The following NTNG1 variants were observed in gnomAD, a reference collection of about 807,000 sequenced individuals.
NTNG1 encodes netrin G1.
A neutral mutation model predicts 54.0 loss-of-function variants in NTNG1; 16 were observed. That is an observed-to-expected ratio of 0.30 (90% confidence interval 0.20 to 0.45). The LOEUF (loss-of-function observed/expected upper bound fraction) is 0.45. Ranked by LOEUF, NTNG1 falls within the 20% of genes least tolerant of loss-of-function variation. The probability of loss-of-function intolerance (pLI) is 1.00; values close to 1 mark genes in which losing one functional copy is unlikely to be tolerated. For missense variants in NTNG1, 530 were observed against 678.7 expected (o/e 0.78, Z 2.43); for synonymous variants, 255 against 263.1 (o/e 0.97, Z 0.30).
chr1:107,445,212 G>C (rs1222663707), intron 7 of NTNG1, among the ~76,000 whole-genome samples: 1 of 152,070 alleles, frequency 6.6e-6, no homozygotes, highest in Non-Finnish European at 1.5e-5. Context: ...CTTAGATTTG[G>C]AGTCGGGGTC....
chr1:107,455,253 G>A (rs1308777787), intron 7 of NTNG1, among the ~76,000 whole-genome samples: 7 of 152,124 alleles, frequency 4.6e-5, no homozygotes, highest in African/African-American at 1.4e-4. Flanking sequence ...TAGTGGAGAC[G>A]GGGTTTCACC....
At chr1:107,430,966 G>A in intron 6 of NTNG1, 49 bp downstream of exon 6, 1 of 1,580,620 alleles carries the variant, frequency 6.3e-7, no homozygotes, top group Non-Finnish European at 8.6e-7. Context: ...TTTGAGCTAC[G>A]GGGAGATATT....
At chr1:107,239,172 G>A (rs1040520020) in intron 2 of NTNG1, among the ~76,000 whole-genome samples, 4 of 152,190 alleles carry the variant, frequency 2.6e-5, no homozygotes, top group African/African-American at 9.7e-5. Context: ...AGAAGGAGTA[G>A]AAAGTAACAG....
At chr1:107,348,282 C>T (rs1669380177) in intron 3 of NTNG1, among the ~76,000 whole-genome samples, 1 of 152,036 alleles carries the variant, frequency 6.6e-6, no homozygotes. Context: ...TGCACCACGA[C>T]ACCTGGCTGA....
chr1:107,417,264 C>G (rs1310813679), intron 5 of NTNG1, among the ~76,000 whole-genome samples: 2 of 152,008 alleles, frequency 1.3e-5, no homozygotes, highest in Non-Finnish European at 2.9e-5. Flanking sequence ...ATTGCCTTTG[C>G]CTTTGTGGAT....
chr1:107,414,997 T>C (rs1361351568), intron 5 of NTNG1, among the ~76,000 whole-genome samples: 1 of 152,114 alleles, frequency 6.6e-6, no homozygotes, highest in Non-Finnish European at 1.5e-5. Flanking sequence ...TAATAGCAAC[T>C]GAAAGGCATT....
chr1:107,402,223 G>A (rs185012733), intron 4 of NTNG1, among the ~76,000 whole-genome samples: 28 of 152,244 alleles, frequency 1.8e-4, no homozygotes, highest in African/African-American at 6.3e-4. Flanking sequence ...AGGTTGCTTG[G>A]TGAGCATGGG....
intron 3 of NTNG1, among the ~76,000 whole-genome samples, chr1:107,373,215 A>G (rs1161673312): frequency 2.0e-5 from 3 of 151,896 alleles, no homozygotes; most frequent in African/African-American, 4.8e-5. Context: ...ATTCCTTTAT[A>G]TCTCCTTTGT....
At chr1:107,480,575 C>CA in intron 7 of NTNG1, 36 bp from the exon 8 acceptor site, 2 of 512,236 alleles carry the variant, frequency 3.9e-6, no homozygotes, top group Non-Finnish European at 7.5e-6. Context: ...CTCCTCCCCG[C>CA]GCCCACCCAC....
chr1:107,144,244 A>C (rs1185294121), intron 1 of NTNG1, among the ~76,000 whole-genome samples: 2 of 152,010 alleles, frequency 1.3e-5, no homozygotes, highest in Non-Finnish European at 2.9e-5. Context: ...ATCTTTTTAT[A>C]TTTTCACTCA....
chr1:107,356,668 A>C (rs1013829362), intron 3 of NTNG1, among the ~76,000 whole-genome samples: 6 of 151,798 alleles, frequency 4.0e-5, no homozygotes, highest in Non-Finnish European at 8.8e-5. Context: ...TTCTGAAGGG[A>C]GTCAAGTCAT....
chr1:107,287,031 C>T (rs1356643549), intron 2 of NTNG1, among the ~76,000 whole-genome samples: 1 of 152,062 alleles, frequency 6.6e-6, no homozygotes, highest in Admixed American at 6.6e-5. Flanking sequence ...TAGCCATTTA[C>T]AGCTGCATTT....
At chr1:107,180,083 A>G (rs1656957108) in intron 2 of NTNG1, among the ~76,000 whole-genome samples, 1 of 152,214 alleles carries the variant, frequency 6.6e-6, no homozygotes, top group Non-Finnish European at 1.5e-5. Flanking sequence ...GTCTGAAGAT[A>G]GGAACCTGGA....
intron 2 of NTNG1, among the ~76,000 whole-genome samples, chr1:107,270,802 G>C (rs1664095095): frequency 7.0e-6 from 1 of 142,862 alleles, no homozygotes; most frequent in Non-Finnish European, 1.5e-5. Context: ...TAAAAATTAA[G>C]TTTTTCATTT....
chr1:107,223,593 T>C (rs893602373), intron 2 of NTNG1, among the ~76,000 whole-genome samples: 7 of 152,148 alleles, frequency 4.6e-5, no homozygotes, highest in African/African-American at 2.4e-5. Flanking sequence ...GCTAAGTAGT[T>C]ATATTATGGG....
chr1:107,406,044 T>C (rs186825207), intron 4 of NTNG1, among the ~76,000 whole-genome samples: 475 of 152,248 alleles, frequency 3.1e-3, no homozygotes, highest in Non-Finnish European at 4.5e-3. Context: ...GGTTGATCAG[T>C]AATTAAGCTG....
intron 7 of NTNG1, among the ~76,000 whole-genome samples, chr1:107,458,237 T>C (rs768754065): frequency 6.6e-6 from 1 of 152,124 alleles, no homozygotes; most frequent in Non-Finnish European, 1.5e-5. Flanking sequence ...GGCAATCTTC[T>C]AAAATTAGGA....
chr1:107,197,322 C>T (rs1658416199), intron 2 of NTNG1, among the ~76,000 whole-genome samples: 1 of 152,030 alleles, frequency 6.6e-6, no homozygotes, highest in African/African-American at 2.4e-5. Flanking sequence ...CAGCCAATTA[C>T]AGTGTCACCG....
chr1:107,416,762 C>A (rs1338389555), intron 5 of NTNG1, among the ~76,000 whole-genome samples: 1 of 151,982 alleles, frequency 6.6e-6, no homozygotes, highest in Non-Finnish European at 1.5e-5. Flanking sequence ...CATACCAGTA[C>A]TTGCATTTCA....
Sources: allele counts gnomAD v4.1 joint callset (sites outside exome capture counted in the v4.1 genomes callset), GRCh38; gene constraint gnomAD v4.1.1; transcripts MANE v1.5; gene names NCBI Gene and HGNC (gene_info 2026-07-23, HGNC 2026-07-21).